The following UBE3C variants were observed in gnomAD, a reference collection of about 807,000 sequenced individuals.
UBE3C encodes the protein ubiquitin protein ligase E3C.
In UBE3C, 42 loss-of-function variants were observed where a neutral mutation model predicts 129.4. That is an observed-to-expected ratio of 0.32 (90% CI 0.25 to 0.42). The LOEUF is 0.42. UBE3C is among the 10% of genes least tolerant of loss of function. UBE3C has a pLI of 1.00. For synonymous variants in UBE3C, 510 were observed against 492.4 expected (o/e 1.04, Z -0.47); for missense variants, 1,049 against 1,319.1 (o/e 0.80, Z 3.17).
At chr7:157,199,311 A>G (rs1275232626) in intron 10 of UBE3C, among the ~76,000 whole-genome samples, 2 of 152,178 alleles carry the variant, frequency 1.3e-5, no homozygotes, top group Non-Finnish European at 2.9e-5. Flanking sequence ...TTAGCAAATA[A>G]AACTCCACAA....
rs775458412 is a variant in UBE3C at position 157,170,305 on chromosome 7, A to G, written c.197A>G (p.Tyr66Cys). 4 of 1,491,518 alleles carry G rather than the reference A, an allele frequency of 2.7e-6. No individual in the cohort carries two copies. In the African/African-American group the frequency reaches 5.8e-5, roughly 22 times the overall value. The allele number at this position is 1,491,518 out of a possible 1,614,324, so 92.4% of individuals were successfully genotyped here. The change falls in exon 4 of 23, where the codon TAT becomes TGT. Residue 66 changes from tyrosine to cysteine, a missense_variant and splice_region_variant. Physicochemically the swap from Tyr to Cys is radical, Grantham distance 194. Coordinates refer to ENST00000348165, the MANE Select transcript of UBE3C (RefSeq NM_014671.3). ...CATTTTGTTTTGTTTTTCTTCCAGT[A>G]TTCCATCCAAAGAAGTGCATTTGAT... ...IRGYRDRKQQ[Y>C]SIQRSAFDRC...
At position 157,207,524 on chromosome 7, in the gene UBE3C, T is replaced by C; in HGVS notation, c.1545T>C (p.His515=). 1.2e-6 allele frequency: 2 copies of C among 1,612,876 alleles called. No individual in the cohort carries two copies. The highest frequency in any genetic ancestry group is 1.7e-6 in the Non-Finnish European group (2 of 1,179,822). The change falls in exon 12 of 23, where the codon CAT becomes CAC. Residue 515 remains histidine, a synonymous_variant. Transcript: ENST00000348165. ...SLFSHSLISI[H]DNEFFGDPIE... ...TTAGTCATTCACTAATTTCCATACATGATAACGAATTCTTCGGTGATCCCA... is the reference window on the plus strand; with the variant it reads ...TTAGTCATTCACTAATTTCCATACACGATAACGAATTCTTCGGTGATCCCA...
At chr7:157,195,611 T>C (rs1430155272) in intron 10 of UBE3C, among the ~76,000 whole-genome samples, 1 of 152,184 alleles carries the variant, frequency 6.6e-6, no homozygotes, top group Non-Finnish European at 1.5e-5. Flanking sequence ...CCATCATACA[T>C]GGGAGCAGAT....
intron 18 of UBE3C, among the ~76,000 whole-genome samples, chr7:157,232,577 C>A (rs910851098): frequency 6.6e-6 from 1 of 152,208 alleles, no homozygotes; most frequent in African/African-American, 2.4e-5. Flanking sequence ...GTCTTTAACT[C>A]CTGACCTCAA....
intron 18 of UBE3C, among the ~76,000 whole-genome samples, chr7:157,233,288 T>G (rs1343093494): frequency 6.6e-6 from 1 of 152,180 alleles, no homozygotes; most frequent in Admixed American, 6.5e-5. Context: ...TACCACACTT[T>G]GGGGTTTGTT....
chr7:157,158,606 A>AT (rs1302002686), intron 1 of UBE3C, among the ~76,000 whole-genome samples: 2 of 152,220 alleles, frequency 1.3e-5, no homozygotes, highest in Non-Finnish European at 2.9e-5. Context: ...CTCATTGTCC[A>AT]TTTTTAGATA....
At chr7:157,192,473 A>G in intron 10 of UBE3C, 1 of 753,492 alleles carries the variant, frequency 1.3e-6, no homozygotes, top group Non-Finnish European at 2.4e-6. Context: ...TAAGGAAGGA[A>G]TTCCTCCTGA....
intron 6 of UBE3C, among the ~76,000 whole-genome samples, chr7:157,181,061 A>G (rs1448415345): frequency 6.6e-6 from 1 of 152,212 alleles, no homozygotes; most frequent in Non-Finnish European, 1.5e-5. Context: ...CACAAATCAG[A>G]GACAAATTAT....
chr7:157,232,772 T>A (rs1271195912), intron 18 of UBE3C, among the ~76,000 whole-genome samples: 1 of 152,238 alleles, frequency 6.6e-6, no homozygotes, highest in Non-Finnish European at 1.5e-5. Flanking sequence ...CATTGGTGGT[T>A]CTGTTTTCCG....
At chr7:157,263,678 A>T (rs1796984296) in intron 22 of UBE3C, among the ~76,000 whole-genome samples, 1 of 151,632 alleles carries the variant, frequency 6.6e-6, no homozygotes, top group South Asian at 2.1e-4. Flanking sequence ...AAAAAAAAAA[A>T]AGTCTAGCAA....
intron 19 of UBE3C, 33 bp from the exon 20 acceptor site, chr7:157,253,921 G>C: frequency 6.5e-7 from 1 of 1,537,964 alleles, no homozygotes; most frequent in Non-Finnish European, 8.8e-7. Flanking sequence ...CATACTTTGA[G>C]GATTTTGAGA....
intron 17 of UBE3C, among the ~76,000 whole-genome samples, chr7:157,227,424 C>T (rs566163689): frequency 3.3e-5 from 5 of 152,084 alleles, no homozygotes; most frequent in East Asian, 3.9e-4. Context: ...CTGGGCGTGG[C>T]GCAGTGGCTC....
chr7:157,146,264 C>A (rs1199996393), intron 1 of UBE3C, among the ~76,000 whole-genome samples: 1 of 151,262 alleles, frequency 6.6e-6, no homozygotes, highest in African/African-American at 2.4e-5. Flanking sequence ...TTTTTTGAGA[C>A]GAAGTCTCGC....
At chr7:157,186,351 G>A (rs556155040) in intron 9 of UBE3C, among the ~76,000 whole-genome samples, 2 of 151,960 alleles carry the variant, frequency 1.3e-5, no homozygotes, top group Non-Finnish European at 2.9e-5. Flanking sequence ...CCTGGGAGGC[G>A]GAGGTTGCAG....
At chr7:157,153,521 G>A (rs1807816595) in intron 1 of UBE3C, among the ~76,000 whole-genome samples, 1 of 152,024 alleles carries the variant, frequency 6.6e-6, no homozygotes, top group Non-Finnish European at 1.5e-5. Flanking sequence ...GTCTTGAACC[G>A]AGCTCAATTG....
At chr7:157,206,249 C>T (rs1004602778) in intron 11 of UBE3C, among the ~76,000 whole-genome samples, 1 of 152,084 alleles carries the variant, frequency 6.6e-6, no homozygotes, top group African/African-American at 2.4e-5. Flanking sequence ...TTTAATATAT[C>T]GTAGCTCTTT....
intron 10 of UBE3C, among the ~76,000 whole-genome samples, chr7:157,187,426 G>T (rs138153460): frequency 4.9e-5 from 7 of 141,948 alleles, no homozygotes; most frequent in African/African-American, 1.9e-4. Flanking sequence ...TCACTCTGTT[G>T]CCCAGAGTGC....
intron 1 of UBE3C, among the ~76,000 whole-genome samples, chr7:157,150,207 A>G (rs888967499): frequency 3.3e-5 from 5 of 152,146 alleles, no homozygotes; most frequent in Admixed American, 2.0e-4. Flanking sequence ...GTGAAACCCC[A>G]TCTCTACTAA....
chr7:157,208,771 G>C (rs1809509985), intron 13 of UBE3C, among the ~76,000 whole-genome samples: 1 of 152,176 alleles, frequency 6.6e-6, no homozygotes, highest in South Asian at 2.1e-4. Flanking sequence ...ACCACCACCA[G>C]TGAGAATGTA....
Sources: allele counts gnomAD v4.1 joint callset (sites outside exome capture counted in the v4.1 genomes callset), GRCh38; gene constraint gnomAD v4.1.1; transcripts MANE v1.5; gene names NCBI Gene and HGNC (gene_info 2026-07-23, HGNC 2026-07-21).